Variants in AKIRIN2 observed in about 807,000 individuals in gnomAD.
The protein encoded by AKIRIN2 is akirin-2.
Under a neutral mutation model 29.3 loss-of-function variants are expected in AKIRIN2, and 6 were observed. That is an observed-to-expected ratio of 0.20 (90% confidence interval 0.11 to 0.40). AKIRIN2 has a LOEUF of 0.40. AKIRIN2 is among the 10% of genes least tolerant of loss of function. The pLI is 1.00. For missense variants in AKIRIN2, 210 were observed against 276.1 expected, an observed-to-expected ratio of 0.76 and a Z score of 1.70; for synonymous variants, 128 against 117.5, an observed-to-expected ratio of 1.09 and a Z score of -0.58.
At chr6:87,693,679 T>C (rs142645740) in intron 1 of AKIRIN2, among the ~76,000 whole-genome samples, 4,606 of 148,598 alleles carry the variant, frequency 0.031, 241 homozygotes, top group African/African-American at 0.11. Context: ...GAGCTGAGAT[T>C]GCGCCACTGC....
chr6:87,689,939 C>G (rs144434823), intron 1 of AKIRIN2, among the ~76,000 whole-genome samples: 1 of 152,114 alleles, frequency 6.6e-6, no homozygotes, highest in African/African-American at 2.4e-5. Flanking sequence ...TGGCCACGGG[C>G]GGTGGCTCAC....
chr6:87,677,048 G>C (rs892905527), intron 3 of AKIRIN2, among the ~76,000 whole-genome samples: 4 of 150,182 alleles, frequency 2.7e-5, no homozygotes, highest in Non-Finnish European at 5.9e-5. Context: ...CTGCACTCCA[G>C]CCTTGGGTGA....
chr6:87,680,929 A>G (rs1187091796), intron 2 of AKIRIN2, among the ~76,000 whole-genome samples: 2 of 152,146 alleles, frequency 1.3e-5, no homozygotes, highest in East Asian at 3.8e-4. Context: ...GTATACAGGG[A>G]TAGTTCTTAA....
intron 1 of AKIRIN2, among the ~76,000 whole-genome samples, chr6:87,692,496 C>T (rs1418225693): frequency 6.6e-6 from 1 of 152,226 alleles, no homozygotes; most frequent in Non-Finnish European, 1.5e-5. Context: ...AATCAAAATT[C>T]TATTAGCATT....
intron 1 of AKIRIN2, among the ~76,000 whole-genome samples, chr6:87,691,440 TAAAAAAAAAAAAA>T (rs34981397): frequency 1.2e-5 from 1 of 84,836 alleles, no homozygotes; most frequent in South Asian, 4.7e-4. Flanking sequence ...AACCTCATCT[TAAAAAAAAAAAAA>T]AAAAAAAAAA....
intron 1 of AKIRIN2, among the ~76,000 whole-genome samples, chr6:87,698,719 T>C (rs538942726): frequency 6.6e-6 from 1 of 152,350 alleles, no homozygotes; most frequent in Admixed American, 6.5e-5. Context: ...GAAAGCAAGC[T>C]TAACTTCCGT....
intron 1 of AKIRIN2, among the ~76,000 whole-genome samples, chr6:87,682,183 A>G (rs1165728601): frequency 6.6e-6 from 1 of 152,226 alleles, no homozygotes; most frequent in African/African-American, 2.4e-5. Context: ...ATAAATAAGA[A>G]GGGGCTTGGG....
chr6:87,682,279 C>A (rs1354254582), intron 1 of AKIRIN2, among the ~76,000 whole-genome samples: 43 of 152,138 alleles, frequency 2.8e-4, no homozygotes, highest in Admixed American at 2.8e-3. Context: ...AAAAAGTCAT[C>A]ATACATTAAA....
At chr6:87,678,893 T>C (rs892904833) in intron 2 of AKIRIN2, among the ~76,000 whole-genome samples, 20 of 152,106 alleles carry the variant, frequency 1.3e-4, no homozygotes, top group Non-Finnish European at 2.2e-4. Flanking sequence ...ACCAGCACTT[T>C]GGGAGGCCGA....
In AKIRIN2 at chr6:87,700,950, C is replaced by G. The variant is rs61731824; in HGVS notation, c.235+500G>C. On this transcript the variant is annotated intron_variant, in intron 1 of 4. Coordinates refer to ENST00000257787, the MANE Select transcript of AKIRIN2 (RefSeq NM_018064.4). The stretch of plus-strand genomic sequence containing the variant: ...ACATCCATCCCCCACCCCCCACCCC[C>G]ACTATACTAAAATCAGCCGTGTCTG... The G allele has an allele frequency of 5.4e-3, 654 of 120,110 alleles. 4 individuals carry two copies. The highest frequency in any genetic ancestry group is 0.02 in the African/African-American group (611 of 31,190). The allele number at this position is 120,110 out of a possible 1,614,324, so 7.4% of individuals were successfully genotyped here.
In AKIRIN2 at chr6:87,675,665, C is replaced by A; in HGVS notation, c.602-58G>T. The A allele has an allele frequency of 1.9e-6, 3 of 1,600,348 alleles. No individual in the cohort carries two copies. In the Admixed American group the frequency reaches 5.1e-5, roughly 27 times the overall value. On this transcript the variant is annotated intron_variant, in intron 4 of 4. Coordinates refer to ENST00000257787, the MANE Select transcript of AKIRIN2 (RefSeq NM_018064.4). The stretch of plus-strand genomic sequence containing the variant: ...ATACAGGTCAAAATCCAAACGAATA[C>A]TAGATCTTGATTCCCAATTTTGCCC...
At chr6:87,681,544 A>C (rs1771122899) in intron 2 of AKIRIN2, 76 bp downstream of exon 2, 1 of 1,435,482 alleles carries the variant, frequency 7.0e-7, no homozygotes, top group African/African-American at 1.5e-5. Flanking sequence ...AGTAGCTTAA[A>C]TGACTAAAGA....
At chr6:87,692,027 G>A (rs2128302375) in intron 1 of AKIRIN2, among the ~76,000 whole-genome samples, 1 of 152,318 alleles carries the variant, frequency 6.6e-6, no homozygotes. Flanking sequence ...GAATAATCAA[G>A]AGGATAAAGT....
chr6:87,701,166 C>A (rs1034324648), intron 1 of AKIRIN2, among the ~76,000 whole-genome samples: 1 of 152,076 alleles, frequency 6.6e-6, no homozygotes, highest in Non-Finnish European at 1.5e-5. Context: ...CAATTCCAAT[C>A]ATTCGGCCCA....
intron 2 of AKIRIN2, among the ~76,000 whole-genome samples, chr6:87,681,351 T>A (rs892368152): frequency 6.6e-6 from 1 of 152,060 alleles, no homozygotes; most frequent in Non-Finnish European, 1.5e-5. Context: ...CTATTGTTAA[T>A]TTTTTTTAAT....
Position 87,701,880 on chromosome 6 carries a change from C to T in AKIRIN2, c.-196G>A. ...CTGCCTCCGCGGCAGGGGCAGTGGC[C>T]AGGGACGGCCCGGGTGAGAGCGGGA... On this transcript the variant is annotated 5_prime_UTR_variant, in exon 1 of 5. Coordinates refer to ENST00000257787, the MANE Select transcript of AKIRIN2 (RefSeq NM_018064.4). 2.3e-6 allele frequency: 1 copy of T among 436,930 alleles called. No individual in the cohort carries two copies. Among genetic ancestry groups the T allele is most frequent in the South Asian group, 5.7e-5 (1 of 17,426 alleles). 27.1% of individuals were successfully genotyped at this position (436,930 alleles called of 1,614,324 possible). A position where few individuals can be genotyped will look rare whatever the true frequency, so the allele number is the denominator to read the frequency against.
intron 1 of AKIRIN2, among the ~76,000 whole-genome samples, chr6:87,683,872 G>A (rs1005143749): frequency 1.3e-5 from 2 of 152,030 alleles, no homozygotes; most frequent in African/African-American, 2.4e-5. Flanking sequence ...GGCCGGTCTC[G>A]AACTCTTGAC....
chr6:87,696,906 T>C (rs1771376369), intron 1 of AKIRIN2, among the ~76,000 whole-genome samples: 1 of 151,244 alleles, frequency 6.6e-6, no homozygotes, highest in African/African-American at 2.4e-5. Flanking sequence ...CTCAGGAGGC[T>C]GAGGCAGGAG....
intron 1 of AKIRIN2, among the ~76,000 whole-genome samples, chr6:87,698,371 C>CT (rs919281015): frequency 7.5e-6 from 1 of 133,176 alleles, no homozygotes; most frequent in African/African-American, 3.1e-5. Context: ...ATGAACAATA[C>CT]TTAAAAAAAA....
Sources: gnomAD v4.1 joint callset for allele counts (sites outside exome capture counted in the v4.1 genomes callset) on GRCh38, gnomAD v4.1.1 for gene constraint, MANE v1.5 for transcripts, NCBI Gene and HGNC (gene_info 2026-07-23, HGNC 2026-07-21) for gene names.